The following NFE2L2 variants were observed in gnomAD, a reference collection of about 807,000 sequenced individuals.
NFE2L2 encodes nuclear factor erythroid 2-related factor 2.
NFE2L2 carries 20 observed loss-of-function variants against 49.6 expected under a neutral mutation model. That is an observed-to-expected ratio of 0.40 (90% CI 0.28 to 0.59). NFE2L2 has a LOEUF of 0.59. Ranked by LOEUF, NFE2L2 falls within the 20% of genes least tolerant of loss-of-function variation. NFE2L2 has a pLI of 0.40. For synonymous variants in NFE2L2, 244 were observed against 256.5 expected, an observed-to-expected ratio of 0.95 and a Z score of 0.47; for missense variants, 578 against 714.2, an observed-to-expected ratio of 0.81 and a Z score of 2.17.
chr2:177,256,092 C>T (rs1276488685), intron 1 of NFE2L2: 2 of 154,586 alleles, frequency 1.3e-5, no homozygotes, highest in African/African-American at 4.8e-5. Flanking sequence ...TCTCTAGACA[C>T]AACAGCAAGG....
At chr2:177,238,946 A>G (rs905557852) in intron 1 of NFE2L2, among the ~76,000 whole-genome samples, 2 of 152,226 alleles carry the variant, frequency 1.3e-5, no homozygotes, top group African/African-American at 4.8e-5. Flanking sequence ...GGCAGTGGGC[A>G]CGCCCATATA....
intron 1 of NFE2L2, among the ~76,000 whole-genome samples, chr2:177,254,955 T>C (rs1690465050): frequency 6.6e-6 from 1 of 152,226 alleles, no homozygotes; most frequent in Non-Finnish European, 1.5e-5. Context: ...GTCTGGCTCT[T>C]TTCACACCAT....
chr2:177,230,317 CAT>C lies in NFE2L2; in HGVS notation c.*466_*467del. On this transcript the variant is annotated 3_prime_UTR_variant, in exon 5 of 5. Coordinates refer to ENST00000397062, the MANE Select transcript of NFE2L2 (RefSeq NM_006164.5). Reference sequence around the variant, plus strand: ...AATCCCAAACAAATAATTTAACAGTCATAATAATCCTTTATTAGTACCAGCTC... The same window carrying C: ...AATCCCAAACAAATAATTTAACAGTCAATAATCCTTTATTAGTACCAGCTC... The C allele has an allele frequency of 4.4e-6, 1 of 229,748 alleles. No individual in the cohort carries two copies. Among genetic ancestry groups the C allele is most frequent in the Non-Finnish European group, 8.6e-6 (1 of 115,980 alleles). The allele number at this position is 229,748 out of a possible 1,614,324, so 14.2% of individuals were successfully genotyped here.
intron 1 of NFE2L2, among the ~76,000 whole-genome samples, chr2:177,240,681 T>C (rs570122626): frequency 4.0e-4 from 61 of 152,346 alleles, no homozygotes; most frequent in African/African-American, 1.4e-3. Context: ...TAGGGAAATC[T>C]GAAGTTGGAC....
intron 1 of NFE2L2, among the ~76,000 whole-genome samples, chr2:177,255,271 A>G (rs1690476906): frequency 6.6e-6 from 1 of 152,202 alleles, no homozygotes; most frequent in African/African-American, 2.4e-5. Flanking sequence ...TTCTTAAGAT[A>G]CATTCCCCCT....
In NFE2L2 at chr2:177,233,358, A is replaced by G. The variant is rs569372603; in HGVS notation, c.313-19T>C. The G allele has an allele frequency of 9.1e-5, 143 of 1,578,284 alleles. No homozygotes were observed. The African/African-American group carries it at 1.7e-3, about 19-fold the overall frequency. ...GGGCAACCTGATAAAAGGGAATGAC[A>G]CAAAGGAAAACAAAAATGGTTAAAT... On this transcript the variant is annotated intron_variant, in intron 2 of 4. Transcript: ENST00000397062.
intron 1 of NFE2L2, among the ~76,000 whole-genome samples, chr2:177,235,252 CCT>C (rs1436651890): frequency 6.6e-6 from 1 of 151,714 alleles, no homozygotes; most frequent in Admixed American, 6.6e-5. Flanking sequence ...ATGGAGAGAC[CCT>C]GTTTCTACCA....
chr2:177,246,043 C>T (rs1170768853), intron 1 of NFE2L2, among the ~76,000 whole-genome samples: 2 of 152,200 alleles, frequency 1.3e-5, no homozygotes, highest in South Asian at 4.1e-4. Context: ...GAAGCTTGTC[C>T]ACTGCTCCTT....
chr2:177,264,076 C>A (rs1329820490), intron 1 of NFE2L2, among the ~76,000 whole-genome samples: 1 of 152,138 alleles, frequency 6.6e-6, no homozygotes, highest in African/African-American at 2.4e-5. Flanking sequence ...GGCCCCGTGA[C>A]TAGGCACATT....
chr2:177,237,814 C>T (rs1387782082), intron 1 of NFE2L2, among the ~76,000 whole-genome samples: 15 of 152,086 alleles, frequency 9.9e-5, no homozygotes, highest in Non-Finnish European at 2.1e-4. Context: ...CCACCACGCC[C>T]AGCTGAGAAA....
chr2:177,253,382 C>T (rs1039463031), intron 1 of NFE2L2, among the ~76,000 whole-genome samples: 1 of 152,094 alleles, frequency 6.6e-6, no homozygotes, highest in Non-Finnish European at 1.5e-5. Flanking sequence ...CAGAATTACA[C>T]AAAAGATTAA....
At chr2:177,237,942 A>T (rs556481967) in intron 1 of NFE2L2, among the ~76,000 whole-genome samples, 1 of 152,346 alleles carries the variant, frequency 6.6e-6, no homozygotes, top group South Asian at 2.1e-4. Flanking sequence ...CAAGGTATTA[A>T]GTGTTCAATA....
intron 2 of NFE2L2, 130 bp from the exon 3 acceptor site, chr2:177,233,469 GATC>G (rs1235004463): frequency 1.4e-6 from 1 of 731,824 alleles, no homozygotes; most frequent in Non-Finnish European, 2.2e-6. Context: ...TTATTTCAGA[GATC>G]ACTTTGATGC....
At chr2:177,264,478 C>A in intron 1 of NFE2L2, 54 bp downstream of exon 1, 1 of 1,503,340 alleles carries the variant, frequency 6.7e-7, no homozygotes, top group Middle Eastern at 1.9e-4. Flanking sequence ...GGTTCCCTAG[C>A]TCCCCCGCCC....
At position 177,231,562 on chromosome 2, in the gene NFE2L2, T is replaced by A. The variant is rs368861468; in HGVS notation, c.1041A>T (p.Ser347=). ...ATGCCACACTGGGACTTGTGTTTAG[T>A]GAAATGCCGGAGTCAGAATCATTGA... ...AEFNDSDSGI[S]LNTSPSVASP... is the part of the protein sequence containing the mutation. Residue 347 remains serine, a synonymous_variant, in exon 5 of 5, where the codon TCA becomes TCT. Transcript: ENST00000397062. 6.2e-7 allele frequency: 1 copy of A among 1,614,238 alleles called. No homozygotes were observed. The highest frequency in any genetic ancestry group is 8.5e-7 in the Non-Finnish European group (1 of 1,180,028).
At position 177,246,774 on chromosome 2, in the gene NFE2L2, C is replaced by CTTT. The variant is rs56311819; in HGVS notation, c.46-12506_46-12504dup. On this transcript the variant is annotated intron_variant, in intron 1 of 4. Transcript: ENST00000397062. ...GCCACTATGCCTGGCTAATATTTTA[C>CTTT]TTTTTTTTTTTTTTTTTTGTACAGA... 2.9e-4 allele frequency among the ~76,000 whole-genome samples: 34 copies of CTTT among 117,502 alleles called. 2 individuals carry two copies. Among genetic ancestry groups the CTTT allele is most frequent in the Admixed American group, 3.1e-4 (3 of 9,614 alleles). The allele number at this position is 117,502 out of a possible 152,430, so 77.1% of individuals were successfully genotyped here. A position where few individuals can be genotyped will look rare whatever the true frequency, so the allele number is the denominator to read the frequency against.
intron 1 of NFE2L2, among the ~76,000 whole-genome samples, chr2:177,258,145 G>A (rs1213293651): frequency 6.6e-6 from 1 of 152,136 alleles, no homozygotes; most frequent in Non-Finnish European, 1.5e-5. Flanking sequence ...AACCACTGCT[G>A]TAAGAAACAA....
At chr2:177,247,626 G>A (rs915510640) in intron 1 of NFE2L2, among the ~76,000 whole-genome samples, 5 of 148,462 alleles carry the variant, frequency 3.4e-5, no homozygotes, top group East Asian at 2.0e-4. Flanking sequence ...GCTCCAAGCC[G>A]AGATCGTGCC....
chr2:177,259,127 C>G (rs553961198), intron 1 of NFE2L2, among the ~76,000 whole-genome samples: 1 of 152,280 alleles, frequency 6.6e-6, no homozygotes, highest in Non-Finnish European at 1.5e-5. Flanking sequence ...CATAGTGAAA[C>G]TCCATCTCTA....
Sources: allele counts gnomAD v4.1 joint callset (sites outside exome capture counted in the v4.1 genomes callset), GRCh38; gene constraint gnomAD v4.1.1; transcripts MANE v1.5; gene names NCBI Gene and HGNC (gene_info 2026-07-23, HGNC 2026-07-21).